Variants in METRNL observed in about 807,000 individuals in gnomAD.
METRNL encodes meteorin-like protein.
A neutral mutation model predicts 17.4 loss-of-function variants in METRNL; 9 were observed. That is an observed-to-expected ratio of 0.52 (90% CI 0.31 to 0.90). METRNL has a LOEUF of 0.90. Among genes scored for constraint, METRNL ranks in the 40% least tolerant of loss-of-function variants. The pLI is 0.05. For missense variants in METRNL, 408 were observed against 430.7 expected (o/e 0.95, Z 0.47); for synonymous variants, 215 against 199.3 (o/e 1.08, Z -0.66).
In METRNL at chr17:83,091,342, C is replaced by G. The variant is rs548988049; in HGVS notation, c.557-1825C>G. On this transcript the variant is annotated intron_variant, in intron 2 of 3. Coordinates refer to ENST00000320095, the MANE Select transcript of METRNL (RefSeq NM_001004431.3). ...GTGGGCCGGTGAGTCAGGCACTGAG[C>G]CCGGCTGGGAGGCGCCCTCACCCCT... is the stretch of plus-strand genomic sequence containing the variant. Among the ~76,000 whole-genome samples the G allele has an allele frequency of 2.5e-4, 38 of 152,320 alleles. No homozygotes were observed. In the South Asian group the frequency reaches 7.9e-3, roughly 32 times the overall value.
intron 2 of METRNL, among the ~76,000 whole-genome samples, chr17:83,086,332 G>A (rs992329658): frequency 1.6e-4 from 25 of 152,346 alleles, no homozygotes; most frequent in African/African-American, 5.8e-4. Context: ...ACTGCCCCGA[G>A]TCCCAGCTGG....
intron 2 of METRNL, among the ~76,000 whole-genome samples, chr17:83,088,808 G>A (rs1002853633): frequency 1.8e-4 from 26 of 141,226 alleles, no homozygotes; most frequent in African/African-American, 6.6e-4. Context: ...GAGCCTCAGA[G>A]TTTGGAGAAG....
chr17:83,084,867 ACTCT>A, intron 1 of METRNL, 67 bp from the exon 2 acceptor site: 1 of 1,532,574 alleles, frequency 6.5e-7, no homozygotes, highest in Non-Finnish European at 8.8e-7. Context: ...GTCCTCACTG[ACTCT>A]CTGTGGGTGC....
intron 2 of METRNL, among the ~76,000 whole-genome samples, chr17:83,091,588 T>G (rs4986107): frequency 1.3e-5 from 2 of 151,888 alleles, no homozygotes; most frequent in African/African-American, 2.4e-5. Flanking sequence ...CCCTGTCCCC[T>G]GGGACCCCCA....
chr17:83,094,339 C>T lies in METRNL; in HGVS notation c.700C>T (p.Arg234Trp), dbSNP rs1355436892. The change falls in exon 4 of 4, where the codon CGG becomes TGG. Residue 234 changes from arginine (R) to tryptophan (W), a missense_variant. Physicochemically the swap from Arg to Trp is moderately radical, Grantham distance 101 (BLOSUM62 -3). Coordinates refer to ENST00000320095, the MANE Select transcript of METRNL (RefSeq NM_001004431.3). ...AIHLRVSRLYRQKSRVFEPVP... is the reference protein window; with the variant it reads ...AIHLRVSRLYWQKSRVFEPVP... ...CCACCTGCGCGTGAGCAGACTCTAT[C>T]GGCAGAAAAGCAGGGTCTTCGAGCC... is the stretch of plus-strand genomic sequence containing the variant. The T allele has an allele frequency of 2.5e-6, 4 of 1,610,494 alleles. No individual in the cohort carries two copies. Among genetic ancestry groups the T allele is most frequent in the South Asian group, 1.1e-5 (1 of 90,782 alleles).
chr17:83,094,523 A>C lies in METRNL; in HGVS notation c.884A>C (p.Tyr295Ser). Residue 295 changes from tyrosine (Y) to serine (S), a missense_variant, in exon 4 of 4, where the codon TAC becomes TCC. Coordinates refer to ENST00000320095, the MANE Select transcript of METRNL (RefSeq NM_001004431.3). ...CGCTTCAAGGACTTCCAGAGGATGT[A>C]CAGGGATGCCCAGGAGAGGGGGCTG... ...APRFKDFQRM[Y>S]RDAQERGLNP... 4 of 1,540,714 alleles carry C rather than the reference A, an allele frequency of 2.6e-6. No individual in the cohort carries two copies. Among genetic ancestry groups the C allele is most frequent in the African/African-American group, 1.4e-5 (1 of 73,632 alleles).
chr17:83,089,816 G>T (rs1309129326), intron 2 of METRNL, among the ~76,000 whole-genome samples: 1 of 152,150 alleles, frequency 6.6e-6, no homozygotes, highest in African/African-American at 2.4e-5. Flanking sequence ...CTCAGAATCA[G>T]AACAGGGAGG....
rs1342630419 is a variant in METRNL at position 83,094,411 on chromosome 17, C to T, written c.772C>T (p.Leu258=). The T allele has an allele frequency of 1.2e-6, 2 of 1,606,444 alleles. No homozygotes were observed. Among genetic ancestry groups the T allele is most frequent in the Non-Finnish European group, 8.5e-7 (1 of 1,175,242 alleles). The part of the protein sequence containing the change: ...GHWQGRVRTL[L]ECGVRPGHGD... Reference sequence around the variant, plus strand: ...CTGGCAGGGGCGCGTCAGGACGCTGCTGGAGTGTGGCGTGCGGCCGGGGCA... The same window carrying T: ...CTGGCAGGGGCGCGTCAGGACGCTGTTGGAGTGTGGCGTGCGGCCGGGGCA... The change falls in exon 4 of 4, where the codon CTG becomes TTG. Residue 258 remains leucine (L), a synonymous_variant. Transcript: ENST00000320095.
Position 83,094,553 on chromosome 17 carries a change from C to T in METRNL, c.914C>T (p.Pro305Leu), listed in dbSNP as rs774485075. The stretch of plus-strand genomic sequence containing the variant: ...GATGCCCAGGAGAGGGGGCTGAACC[C>T]TTGTGAGGTTGGCACGGACTGACTC... The part of the protein sequence containing the change: ...YRDAQERGLN[P>L]CEVGTD The change falls in exon 4 of 4, where the codon CCT (proline) becomes CTT (leucine). Residue 305 changes from proline (P) to leucine (L), a missense_variant. Pro to Leu is a moderately conservative substitution (Grantham distance 98). Coordinates refer to ENST00000320095, the MANE Select transcript of METRNL (RefSeq NM_001004431.3). 3 of 1,497,942 alleles carry T rather than the reference C, an allele frequency of 2.0e-6. No individual in the cohort carries two copies. Among genetic ancestry groups the T allele is most frequent in the South Asian group, 2.7e-5 (2 of 73,574 alleles). The allele number at this position is 1,497,942 out of a possible 1,614,324, so 92.8% of individuals were successfully genotyped here. A position where few individuals can be genotyped will look rare whatever the true frequency, so the allele number is the denominator to read the frequency against.
At chr17:83,080,577 C>CA (rs1159931880) in intron 1 of METRNL, among the ~76,000 whole-genome samples, 7 of 132,014 alleles carry the variant, frequency 5.3e-5, no homozygotes, top group African/African-American at 1.9e-4. Flanking sequence ...CCCCCCCCCC[C>CA]CCACCCGCGG....
chr17:83,089,089 A>G (rs2143637441), intron 2 of METRNL, among the ~76,000 whole-genome samples: 1 of 152,144 alleles, frequency 6.6e-6, no homozygotes, highest in East Asian at 1.9e-4. Context: ...CTATGGGGCC[A>G]ACACCCCCGG....
chr17:83,083,575 T>G (rs542220731), intron 1 of METRNL, among the ~76,000 whole-genome samples: 2 of 152,182 alleles, frequency 1.3e-5, no homozygotes, highest in Non-Finnish European at 2.9e-5. Flanking sequence ...GAGTCTGTTC[T>G]GGGTGTGTGA....
intron 1 of METRNL, among the ~76,000 whole-genome samples, chr17:83,081,687 C>T (rs1328765481): frequency 6.6e-6 from 1 of 152,036 alleles, no homozygotes; most frequent in South Asian, 2.1e-4. Flanking sequence ...CACAGGGGAC[C>T]CCCCCCAACA....
At position 83,081,972 on chromosome 17, in the gene METRNL, G is replaced by A. The variant is rs981175918; in HGVS notation, c.170+1987G>A. On this transcript the variant is annotated intron_variant, in intron 1 of 3. Coordinates refer to ENST00000320095, the MANE Select transcript of METRNL (RefSeq NM_001004431.3). The stretch of plus-strand genomic sequence containing the variant: ...AGCACAGGGTGGAGCGAGCGCTGGT[G>A]TGCTGGGTGGATTCTCATCCCCCGA... The A allele has an allele frequency of 5.7e-6, 3 of 525,124 alleles. No individual in the cohort carries two copies. The African/African-American group carries it at 6.2e-5, about 11-fold the overall frequency. The allele number at this position is 525,124 out of a possible 1,614,324, so 32.5% of individuals were successfully genotyped here.
intron 2 of METRNL, among the ~76,000 whole-genome samples, chr17:83,088,212 A>T (rs1445041706): frequency 6.6e-6 from 1 of 152,210 alleles, no homozygotes; most frequent in East Asian, 1.9e-4. Context: ...CCTTCCTTGG[A>T]TGCTGAGGAA....
chr17:83,087,567 G>A (rs971273920), intron 2 of METRNL, among the ~76,000 whole-genome samples: 5 of 152,178 alleles, frequency 3.3e-5, no homozygotes, highest in Non-Finnish European at 5.9e-5. Context: ...ATCAGGGGAC[G>A]GGGGCCCCTA....
chr17:83,085,754 G>A (rs577505923), intron 2 of METRNL, among the ~76,000 whole-genome samples: 1 of 152,322 alleles, frequency 6.6e-6, no homozygotes, highest in South Asian at 2.1e-4. Context: ...TGGGTCGGAC[G>A]CGCCCCCATG....
chr17:83,081,279 C>T (rs1345334216), intron 1 of METRNL, among the ~76,000 whole-genome samples: 1 of 152,152 alleles, frequency 6.6e-6, no homozygotes, highest in Non-Finnish European at 1.5e-5. Context: ...TCAGCCCCGG[C>T]TCGCTGCCTC....
intron 2 of METRNL, among the ~76,000 whole-genome samples, chr17:83,090,473 ACACACACACACACCCCCGCCC>A (rs2038116510): frequency 2.5e-3 from 2 of 786 alleles, no homozygotes; most frequent in Admixed American, 0.02. Flanking sequence ...CCCCCGCCCC[ACACACACACACACCCCCGCCC>A]CACACACACA....
Sources: gnomAD v4.1 joint callset for allele counts (sites outside exome capture counted in the v4.1 genomes callset) on GRCh38, gnomAD v4.1.1 for gene constraint, MANE v1.5 for transcripts, NCBI Gene and HGNC (gene_info 2026-07-23, HGNC 2026-07-21) for gene names.